Variants in KCNIP4 observed in about 807,000 individuals in gnomAD.
The protein encoded by KCNIP4 is potassium voltage-gated channel interacting protein 4, also known as Kv channel-interacting protein 4.
KCNIP4 carries 12 observed loss-of-function variants against 34.0 expected under a neutral mutation model. The ratio of observed to expected loss-of-function variants is 0.35; its 90% CI spans 0.23 to 0.57. The LOEUF (loss-of-function observed/expected upper bound fraction) is 0.57, where lower values mean the gene tolerates loss of function less well. Among genes scored for constraint, KCNIP4 ranks in the 20% least tolerant of loss-of-function variants. The probability of loss-of-function intolerance (pLI) is 0.83; values close to 1 mark genes in which losing one functional copy is unlikely to be tolerated. For missense variants in KCNIP4, 238 were observed against 311.7 expected (o/e 0.76, Z 1.78); for synonymous variants, 124 against 102.2 (o/e 1.21, Z -1.29).
chr4:21,473,093 A>G (rs1257911700), intron 1 of KCNIP4, among the ~76,000 whole-genome samples: 4 of 152,168 alleles, frequency 2.6e-5, no homozygotes, highest in African/African-American at 9.7e-5. Flanking sequence ...ATGATTGGCA[A>G]CGTTTCGTTA....
chr4:21,799,428 T>G (rs1449770069), intron 1 of KCNIP4, among the ~76,000 whole-genome samples: 2 of 152,330 alleles, frequency 1.3e-5, no homozygotes, highest in East Asian at 3.9e-4. Context: ...AATCCTGGCT[T>G]ACTGTATTAG....
chr4:21,138,166 T>C (rs1050641359), intron 1 of KCNIP4, among the ~76,000 whole-genome samples: 1 of 152,126 alleles, frequency 6.6e-6, no homozygotes, highest in Non-Finnish European at 1.5e-5. Context: ...CATCTACATG[T>C]CTTCGCTTTG....
At chr4:20,800,112 C>T (rs1714035907) in intron 3 of KCNIP4, among the ~76,000 whole-genome samples, 1 of 152,186 alleles carries the variant, frequency 6.6e-6, no homozygotes, top group East Asian at 1.9e-4. Context: ...TACATAGCCA[C>T]CATTATTGCC....
At chr4:21,532,274 T>C (rs983868618) in intron 1 of KCNIP4, among the ~76,000 whole-genome samples, 6 of 152,180 alleles carry the variant, frequency 3.9e-5, no homozygotes, top group African/African-American at 7.2e-5. Flanking sequence ...AGACCAATGA[T>C]AAAACTGCAT....
intron 1 of KCNIP4, among the ~76,000 whole-genome samples, chr4:21,407,518 G>A (rs1330601293): frequency 6.6e-6 from 1 of 152,074 alleles, no homozygotes; most frequent in African/African-American, 2.4e-5. Context: ...GTACTCAACA[G>A]ATGTTTGTTG....
chr4:20,813,030 T>C (rs1305951048), intron 3 of KCNIP4, among the ~76,000 whole-genome samples: 2 of 152,114 alleles, frequency 1.3e-5, no homozygotes, highest in Non-Finnish European at 2.9e-5. Flanking sequence ...ATATTTCTGT[T>C]AAAAGTATAT....
chr4:21,174,657 T>C (rs540678031), intron 1 of KCNIP4, among the ~76,000 whole-genome samples: 3 of 152,248 alleles, frequency 2.0e-5, no homozygotes, highest in Admixed American at 6.5e-5. Context: ...CTCAGCACTT[T>C]GGGAGGCCGA....
chr4:20,998,410 G>T (rs745624940), intron 1 of KCNIP4, among the ~76,000 whole-genome samples: 4 of 152,134 alleles, frequency 2.6e-5, no homozygotes, highest in African/African-American at 4.8e-5. Context: ...GGCAGGGGTG[G>T]AATATAAAAG....
intron 1 of KCNIP4, among the ~76,000 whole-genome samples, chr4:21,231,373 T>G (rs1166013408): frequency 6.6e-6 from 1 of 152,172 alleles, no homozygotes; most frequent in Admixed American, 6.6e-5. Context: ...TCGCACAAAG[T>G]TGTTCCAGGT....
At chr4:21,900,781 A>G (rs1032660499) in intron 1 of KCNIP4, among the ~76,000 whole-genome samples, 4 of 152,044 alleles carry the variant, frequency 2.6e-5, no homozygotes, top group African/African-American at 9.7e-5. Context: ...TTTCTATTTG[A>G]TGTGTTCTCC....
chr4:21,518,779 G>A (rs926524552), intron 1 of KCNIP4, among the ~76,000 whole-genome samples: 3 of 152,034 alleles, frequency 2.0e-5, no homozygotes, highest in Non-Finnish European at 2.9e-5. Flanking sequence ...GGATGTGGCC[G>A]AACTGCCAGG....
intron 1 of KCNIP4, among the ~76,000 whole-genome samples, chr4:21,643,105 T>C (rs529838885): frequency 6.6e-6 from 1 of 152,190 alleles, no homozygotes; most frequent in Non-Finnish European, 1.5e-5. Context: ...AAATGGGAAC[T>C]GTGTCATGTG....
At chr4:20,996,465 AG>A (rs1321820126) in intron 1 of KCNIP4, among the ~76,000 whole-genome samples, 1 of 152,110 alleles carries the variant, frequency 6.6e-6, no homozygotes, top group Non-Finnish European at 1.5e-5. Flanking sequence ...CTGCCCACAT[AG>A]TCTTTCGATT....
intron 1 of KCNIP4, among the ~76,000 whole-genome samples, chr4:21,790,310 AT>A (rs1200305431): frequency 6.6e-6 from 1 of 152,210 alleles, no homozygotes; most frequent in African/African-American, 2.4e-5. Context: ...ATTACTTACG[AT>A]TAAAAACATA....
chr4:21,332,359 A>G (rs1715740980), intron 1 of KCNIP4, among the ~76,000 whole-genome samples: 1 of 151,962 alleles, frequency 6.6e-6, no homozygotes, highest in South Asian at 2.1e-4. Context: ...TACTATTTTT[A>G]TGGTGATGAC....
At chr4:21,490,655 C>T (rs529838924) in intron 1 of KCNIP4, among the ~76,000 whole-genome samples, 146 of 152,260 alleles carry the variant, frequency 9.6e-4, no homozygotes, top group Middle Eastern at 3.4e-3. Context: ...CAGAAGTGCA[C>T]ACTATTCATT....
intron 1 of KCNIP4, among the ~76,000 whole-genome samples, chr4:21,732,423 A>T (rs1715675950): frequency 6.6e-6 from 1 of 152,178 alleles, no homozygotes; most frequent in Admixed American, 6.6e-5. Flanking sequence ...GCAGAGGCGT[A>T]ATATTGATGA....
intron 1 of KCNIP4, among the ~76,000 whole-genome samples, chr4:21,192,955 A>ACTACTACTACTAC (rs1560797643): frequency 1.4e-5 from 2 of 139,236 alleles, no homozygotes; most frequent in East Asian, 2.2e-4. Context: ...ACTACTACTA[A>ACTACTACTACTAC]TAATAATAAT....
At position 21,369,897 on chromosome 4, in the gene KCNIP4, C is replaced by T. The variant is rs564187584; in HGVS notation, c.62-487188G>A. 2.6e-3 allele frequency among the ~76,000 whole-genome samples: 367 copies of T among 143,884 alleles called. 3 individuals are homozygous for T. The highest frequency in any genetic ancestry group is 6.9e-3 in the Middle Eastern group (2 of 290). 94.4% of individuals were successfully genotyped at this position (143,884 alleles called of 152,430 possible). A position where few individuals can be genotyped will look rare whatever the true frequency, so the allele number is the denominator to read the frequency against. On this transcript the variant is annotated intron_variant, in intron 1 of 8. Transcript: ENST00000382152. ...AGTTCAGTGGCACCATCTCTGCTCA[C>T]TGCAAGCTCTGTCTCTGCCTCCCGG...
Sources: gnomAD v4.1 joint callset for allele counts (sites outside exome capture counted in the v4.1 genomes callset) on GRCh38, gnomAD v4.1.1 for gene constraint, MANE v1.5 for transcripts, NCBI Gene and HGNC (gene_info 2026-07-23, HGNC 2026-07-21) for gene names.